Variants in PDE4D observed in about 807,000 individuals in gnomAD.
The protein encoded by PDE4D is phosphodiesterase 4D.
PDE4D carries 24 observed loss-of-function variants against 87.4 expected under a neutral mutation model. The observed-to-expected ratio is 0.27, with a 90% confidence interval of 0.20 to 0.39. The LOEUF is 0.39. Among genes scored for constraint, PDE4D ranks in the 10% least tolerant of loss-of-function variants. The pLI is 1.00. For missense variants in PDE4D, 714 were observed against 1,041.0 expected (o/e 0.69, Z 4.32); for synonymous variants, 384 against 383.2 (o/e 1.00, Z -0.02).
chr5:59,804,537 G>A (rs1279909637), intron 1 of PDE4D, among the ~76,000 whole-genome samples: 2 of 149,004 alleles, frequency 1.3e-5, no homozygotes, highest in Non-Finnish European at 3.0e-5. Flanking sequence ...CCAGTAGTGG[G>A]TTAAACCCTA....
At chr5:60,105,822 T>C (rs889651014) in intron 2 of PDE4D, among the ~76,000 whole-genome samples, 6 of 152,194 alleles carry the variant, frequency 3.9e-5, no homozygotes, top group Admixed American at 1.3e-4. Context: ...TGAGAGATTT[T>C]GTCACCACCA....
intron 1 of PDE4D, among the ~76,000 whole-genome samples, chr5:59,679,562 A>G (rs1748674225): frequency 6.6e-6 from 1 of 152,174 alleles, no homozygotes; most frequent in African/African-American, 2.4e-5. Flanking sequence ...AAAGAGATAA[A>G]TGACAGTTAT....
intron 1 of PDE4D, among the ~76,000 whole-genome samples, chr5:59,652,534 G>A (rs534584743): frequency 1.3e-4 from 20 of 152,176 alleles, no homozygotes; most frequent in African/African-American, 4.6e-4. Context: ...CAAAATATAC[G>A]AAACTTTCAC....
intron 1 of PDE4D, among the ~76,000 whole-genome samples, chr5:60,298,441 T>C (rs1015247267): frequency 3.3e-4 from 50 of 152,184 alleles, no homozygotes; most frequent in African/African-American, 1.2e-3. Context: ...AAAAAATGTA[T>C]GCAACTGAAA....
At chr5:59,056,088 T>G (rs141255452) in intron 5 of PDE4D, among the ~76,000 whole-genome samples, 17 of 152,278 alleles carry the variant, frequency 1.1e-4, no homozygotes, top group African/African-American at 4.1e-4. Flanking sequence ...AGGATATCCA[T>G]GCCCCGCCTC....
chr5:59,920,894 A>G (rs1754594484), intron 3 of PDE4D, among the ~76,000 whole-genome samples: 1 of 151,890 alleles, frequency 6.6e-6, no homozygotes, highest in Admixed American at 6.6e-5. Context: ...GAGGGAAAGC[A>G]TTAGGAGATA....
At chr5:59,213,033 G>A (rs577373794) in intron 2 of PDE4D, among the ~76,000 whole-genome samples, 79 of 150,778 alleles carry the variant, frequency 5.2e-4, no homozygotes, top group African/African-American at 1.7e-3. Context: ...AAAATGTTTA[G>A]AGAACTCATG....
intron 3 of PDE4D, among the ~76,000 whole-genome samples, chr5:59,954,746 C>T (rs1758658155): frequency 6.6e-6 from 1 of 152,018 alleles, no homozygotes; most frequent in East Asian, 1.9e-4. Flanking sequence ...ATGTATGTGC[C>T]CCAGACCTTT....
intron 2 of PDE4D, among the ~76,000 whole-genome samples, chr5:60,124,253 T>C (rs1364336248): frequency 6.6e-6 from 1 of 152,158 alleles, no homozygotes; most frequent in Admixed American, 6.5e-5. Flanking sequence ...TTTAATAAAA[T>C]GCTCCCCCTA....
intron 1 of PDE4D, among the ~76,000 whole-genome samples, chr5:59,606,184 T>A (rs1177739342): frequency 8.6e-5 from 13 of 152,028 alleles, no homozygotes; most frequent in Non-Finnish European, 1.9e-4. Flanking sequence ...TCGTATAAAT[T>A]CTGTATTTGT....
chr5:60,055,363 G>A (rs1190997113), intron 2 of PDE4D, among the ~76,000 whole-genome samples: 4 of 151,952 alleles, frequency 2.6e-5, no homozygotes, highest in Non-Finnish European at 5.9e-5. Context: ...ATGTCTCTTA[G>A]GTGTGCACAC....
Position 59,483,821 on chromosome 5 carries a change from C to G in PDE4D, c.456-267853G>C, listed in dbSNP as rs193253609. On this transcript the variant is annotated intron_variant, in intron 1 of 14. Transcript: ENST00000340635. ...GGATGCAAGTTGCTTTTTAGGGACA[C>G]CTTTGCTGCTCCCTTTACCTTTAAG... 1.4e-3 allele frequency among the ~76,000 whole-genome samples: 211 copies of G among 152,280 alleles called. 1 individual carries two copies. Among genetic ancestry groups the G allele is most frequent in the African/African-American group, 4.9e-3 (202 of 41,570 alleles).
At chr5:59,078,126 C>A (rs796292710) in intron 5 of PDE4D, among the ~76,000 whole-genome samples, 34 of 152,198 alleles carry the variant, frequency 2.2e-4, no homozygotes, top group African/African-American at 7.9e-4. Flanking sequence ...GATTTAAAAA[C>A]CAATGTAATA....
At chr5:59,695,869 A>G (rs969333828) in intron 1 of PDE4D, among the ~76,000 whole-genome samples, 1 of 152,158 alleles carries the variant, frequency 6.6e-6, no homozygotes, top group African/African-American at 2.4e-5. Context: ...TCAGCCTCCC[A>G]AAGTGCTGAG....
At chr5:59,634,717 T>A (rs141088577) in intron 1 of PDE4D, among the ~76,000 whole-genome samples, 3,755 of 152,228 alleles carry the variant, frequency 0.025, 160 homozygotes, top group African/African-American at 0.086. Flanking sequence ...TACCAGAATC[T>A]CTGGGACACA....
chr5:59,232,907 T>A (rs969123213), intron 1 of PDE4D, among the ~76,000 whole-genome samples: 14 of 151,910 alleles, frequency 9.2e-5, no homozygotes, highest in African/African-American at 3.1e-4. Context: ...CAACATGAAT[T>A]GACCTGAATG....
In PDE4D at chr5:59,881,277, T is replaced by C. The variant is rs983100814; in HGVS notation, c.455+11891A>G. On this transcript the variant is annotated intron_variant, in intron 1 of 14. Transcript: ENST00000340635. ...AGTATTTATAATTTATTAATAAATGTTAAATAATGCATAAACACTAAAATA... is the reference window on the plus strand; with the variant it reads ...AGTATTTATAATTTATTAATAAATGCTAAATAATGCATAAACACTAAAATA... Among the ~76,000 whole-genome samples the C allele has an allele frequency of 2.6e-5, 4 of 152,310 alleles. No homozygotes were observed. In the East Asian group the frequency reaches 7.7e-4, roughly 29 times the overall value.
intron 1 of PDE4D, among the ~76,000 whole-genome samples, chr5:60,210,936 G>C (rs1743130064): frequency 6.6e-6 from 1 of 152,210 alleles, no homozygotes; most frequent in African/African-American, 2.4e-5. Context: ...CCAGGCCACT[G>C]CAAATGGCCC....
intron 1 of PDE4D, among the ~76,000 whole-genome samples, chr5:60,285,050 T>C (rs908883845): frequency 6.6e-6 from 1 of 152,062 alleles, no homozygotes; most frequent in Admixed American, 6.6e-5. Context: ...CTAAGAATCA[T>C]TCACATTTCC....
Sources: gnomAD v4.1 joint callset for allele counts (sites outside exome capture counted in the v4.1 genomes callset) on GRCh38, gnomAD v4.1.1 for gene constraint, MANE v1.5 for transcripts, NCBI Gene and HGNC (gene_info 2026-07-23, HGNC 2026-07-21) for gene names.